The following MCTP2 variants were observed in gnomAD, a reference collection of about 807,000 sequenced individuals.
The protein encoded by MCTP2 is multiple C2 and transmembrane domain containing 2, also known as multiple C2 and transmembrane domain-containing protein 2.
Under a neutral mutation model 111.6 loss-of-function variants are expected in MCTP2, and 132 were observed. The ratio of observed to expected loss-of-function variants is 1.18; its 90% CI spans 1.03 to 1.37. MCTP2 has a LOEUF of 1.37. Ranked by LOEUF, MCTP2 falls within the 40% of genes most tolerant of loss-of-function variation. The pLI is 0.00. For missense variants in MCTP2, 1,183 were observed against 1,067.9 expected, an observed-to-expected ratio of 1.11 and a Z score of -1.50; for synonymous variants, 395 against 387.7, an observed-to-expected ratio of 1.02 and a Z score of -0.22.
Position 94,370,110 on chromosome 15 carries a change from T to C in MCTP2, c.1512T>C (p.Asp504=). Residue 504 remains aspartate, a synonymous_variant, in exon 12 of 23, where the codon GAT becomes GAC. Coordinates refer to ENST00000357742, the MANE Select transcript of MCTP2 (RefSeq NM_001385001.1). ...AGTGCTTACAGAACTCCCTGAAAGA[T>C]GTGAAAGACGTCGGCATTCTACAAG... The part of the protein sequence containing the change: ...QRYCLQNSLK[D]VKDVGILQVK... The C allele has an allele frequency of 6.2e-7, 1 of 1,612,852 alleles. No individual in the cohort carries two copies. The highest frequency in any genetic ancestry group is 8.5e-7 in the Non-Finnish European group (1 of 1,179,474).
intron 10 of MCTP2, among the ~76,000 whole-genome samples, chr15:94,359,193 G>A (rs764623606): frequency 4.6e-5 from 7 of 152,244 alleles, no homozygotes; most frequent in African/African-American, 7.2e-5. Context: ...GCTGTAACCC[G>A]CGTACAGTAA....
At chr15:94,246,559 C>T (rs2050443106) in intron 1 of MCTP2, among the ~76,000 whole-genome samples, 1 of 152,260 alleles carries the variant, frequency 6.6e-6, no homozygotes, top group East Asian at 1.9e-4. Context: ...ATGTTTACCT[C>T]CCTTAATAGA....
intron 1 of MCTP2, among the ~76,000 whole-genome samples, chr15:94,252,929 A>G (rs1596187748): frequency 1.3e-5 from 2 of 152,102 alleles, no homozygotes; most frequent in East Asian, 1.9e-4. Flanking sequence ...ATTTTATCTT[A>G]TCTCTTGTCA....
intron 18 of MCTP2, 100 bp from the exon 19 acceptor site, chr15:94,442,819 T>C (rs2083856503): frequency 1.1e-6 from 1 of 947,630 alleles, no homozygotes; most frequent in Non-Finnish European, 1.7e-6. Context: ...AAAATATAAA[T>C]GCTTGAAGTC....
chr15:94,340,808 T>A lies in MCTP2; in HGVS notation c.858-5T>A, dbSNP rs2077596992. On this transcript the variant is annotated splice_region_variant and splice_polypyrimidine_tract_variant and intron_variant, in intron 6 of 22. Transcript: ENST00000357742. ...GTAGCATTATTTGTTGCTTTTTGCT[T>A]GTAGAACAACTGAACATATTTTAAA... 6.3e-7 allele frequency: 1 copy of A among 1,588,130 alleles called. No homozygotes were observed. Among genetic ancestry groups the A allele is most frequent in the Non-Finnish European group, 8.6e-7 (1 of 1,157,592 alleles).
chr15:94,244,530 A>G (rs1022715139), intron 1 of MCTP2, among the ~76,000 whole-genome samples: 1 of 146,458 alleles, frequency 6.8e-6, no homozygotes, highest in African/African-American at 2.6e-5. Context: ...TTATATTCGT[A>G]TATGTATACA....
intron 1 of MCTP2, among the ~76,000 whole-genome samples, chr15:94,280,626 C>A (rs540420496): frequency 2.0e-5 from 3 of 151,420 alleles, no homozygotes; most frequent in African/African-American, 7.3e-5. Flanking sequence ...TGTTATTTTT[C>A]TTCTGCTAAC....
chr15:94,398,851 A>T (rs1352537240), intron 14 of MCTP2, 110 bp from the exon 15 acceptor site: 4 of 625,448 alleles, frequency 6.4e-6, no homozygotes, highest in Non-Finnish European at 1.2e-5. Flanking sequence ...TGTTTGCTTC[A>T]CCTGTGATCA....
intron 12 of MCTP2, among the ~76,000 whole-genome samples, chr15:94,381,535 G>C (rs1462313077): frequency 6.6e-6 from 1 of 152,190 alleles, no homozygotes; most frequent in Non-Finnish European, 1.5e-5. Context: ...GCCTCAACAG[G>C]ACCAGGCAGC....
intron 17 of MCTP2, among the ~76,000 whole-genome samples, chr15:94,439,176 A>C (rs1287759910): frequency 2.6e-5 from 4 of 152,240 alleles, no homozygotes; most frequent in Admixed American, 6.5e-5. Flanking sequence ...GCACCAAAAA[A>C]TAAAAGCAAT....
At chr15:94,406,298 A>C (rs185298036) in intron 17 of MCTP2, among the ~76,000 whole-genome samples, 2 of 150,058 alleles carry the variant, frequency 1.3e-5, no homozygotes, top group African/African-American at 5.1e-5. Context: ...GACAGAGCTC[A>C]TGTGTGTGTA....
chr15:94,287,386 T>C (rs752396195), intron 1 of MCTP2, among the ~76,000 whole-genome samples: 1 of 152,218 alleles, frequency 6.6e-6, no homozygotes, highest in Non-Finnish European at 1.5e-5. Context: ...CGCTGTTTAT[T>C]GGAGAAGTGA....
chr15:94,275,213 T>A (rs1026867252), intron 1 of MCTP2, among the ~76,000 whole-genome samples: 6 of 152,204 alleles, frequency 3.9e-5, no homozygotes, highest in Non-Finnish European at 7.4e-5. Flanking sequence ...AATGATGAAA[T>A]TTTTAAGATT....
intron 2 of MCTP2, among the ~76,000 whole-genome samples, chr15:94,301,337 C>T (rs1406370433): frequency 6.6e-6 from 1 of 152,178 alleles, no homozygotes; most frequent in Non-Finnish European, 1.5e-5. Flanking sequence ...CTCACCGGCT[C>T]CTCCCCTCAG....
Position 94,442,954 on chromosome 15 carries a change from T to C in MCTP2, c.2244T>C (p.Asp748=), listed in dbSNP as rs1596727050. ...STDIDDEEDE[D]DKESEKKGLI... is the part of the protein sequence containing the mutation. ...ACATAGATGACGAGGAGGATGAAGA[T>C]GACAAGGTGCGTATGTTCAAGAAAG... Residue 748 remains aspartate (D), a synonymous_variant, in exon 19 of 23, where the codon GAT becomes GAC. Coordinates refer to ENST00000357742, the MANE Select transcript of MCTP2 (RefSeq NM_001385001.1). 1 of 1,613,102 alleles carries C rather than the reference T, an allele frequency of 6.2e-7. No homozygotes were observed. The highest frequency in any genetic ancestry group is 8.5e-7 in the Non-Finnish European group (1 of 1,179,634).
At chr15:94,450,036 C>T (rs1408084359) in intron 19 of MCTP2, among the ~76,000 whole-genome samples, 2 of 151,900 alleles carry the variant, frequency 1.3e-5, no homozygotes, top group African/African-American at 2.4e-5. Flanking sequence ...TGAGTATCTT[C>T]CTATTGAGCT....
intron 8 of MCTP2, 92 bp downstream of exon 8, chr15:94,345,256 C>G: frequency 1.7e-6 from 2 of 1,202,158 alleles, no homozygotes; most frequent in Non-Finnish European, 2.4e-6. Context: ...ATTACCCAAT[C>G]TTTACATCAA....
At chr15:94,242,162 C>T (rs764113249) in intron 1 of MCTP2, among the ~76,000 whole-genome samples, 6 of 152,112 alleles carry the variant, frequency 3.9e-5, no homozygotes, top group Non-Finnish European at 8.8e-5. Context: ...CTCCCTCAAA[C>T]CACCTTGTTA....
At chr15:94,404,812 G>T (rs772021400) in intron 17 of MCTP2, among the ~76,000 whole-genome samples, 1 of 152,124 alleles carries the variant, frequency 6.6e-6, no homozygotes, top group Non-Finnish European at 1.5e-5. Context: ...ATGATGGGTT[G>T]TCTTTCTGCA....
Sources: allele counts gnomAD v4.1 joint callset (sites outside exome capture counted in the v4.1 genomes callset), GRCh38; gene constraint gnomAD v4.1.1; transcripts MANE v1.5; gene names NCBI Gene and HGNC (gene_info 2026-07-23, HGNC 2026-07-21).